CCNY: variants seen among roughly 807,000 people sequenced by gnomAD.
The protein encoded by CCNY is cyclin-Y.
CCNY carries 19 observed loss-of-function variants against 42.8 expected under a neutral mutation model. The ratio of observed to expected loss-of-function variants is 0.44; its 90% confidence interval spans 0.31 to 0.65. The LOEUF is 0.65. CCNY is among the 30% of genes least tolerant of loss of function. The probability of loss-of-function intolerance (pLI) is 0.07; values close to 1 mark genes in which losing one functional copy is unlikely to be tolerated. For missense variants in CCNY, 370 were observed against 437.3 expected (o/e 0.85, Z 1.37); for synonymous variants, 165 against 162.7 (o/e 1.01, Z -0.11).
intron 1 of CCNY, among the ~76,000 whole-genome samples, chr10:35,389,575 G>T (rs1837369657): frequency 6.6e-6 from 1 of 151,956 alleles, no homozygotes; most frequent in South Asian, 2.1e-4. Context: ...AAGTAGCTGG[G>T]ATTACAGGCG....
chr10:35,493,780 C>T (rs1178640663), intron 2 of CCNY, among the ~76,000 whole-genome samples: 1 of 152,166 alleles, frequency 6.6e-6, no homozygotes, highest in Non-Finnish European at 1.5e-5. Context: ...GTCAGGAGGA[C>T]TAAATGCATA....
upstream of CCNY, among the ~76,000 whole-genome samples, chr10:35,331,994 T>C (rs138349064): frequency 2.4e-3 from 369 of 152,268 alleles, 1 homozygote; most frequent in African/African-American, 6.7e-3. Flanking sequence ...CAGTATACTC[T>C]CAAAAATGTT....
At chr10:35,448,328 C>T (rs1459007357) in intron 1 of CCNY, among the ~76,000 whole-genome samples, 1 of 152,020 alleles carries the variant, frequency 6.6e-6, no homozygotes, top group Non-Finnish European at 1.5e-5. Context: ...TGGGTAGGGC[C>T]GGTGTAGCAG....
At chr10:35,433,518 A>G (rs1374173279) in intron 1 of CCNY, among the ~76,000 whole-genome samples, 1 of 152,244 alleles carries the variant, frequency 6.6e-6, no homozygotes, top group East Asian at 1.9e-4. Context: ...TCCAAAGTAG[A>G]AAAATTAGAT....
At chr10:35,533,153 T>C (rs1019043788) in intron 7 of CCNY, among the ~76,000 whole-genome samples, 3 of 152,146 alleles carry the variant, frequency 2.0e-5, no homozygotes, top group African/African-American at 7.2e-5. Flanking sequence ...ACCTCTCCGT[T>C]TAAGGCCGCA....
intron 3 of CCNY, among the ~76,000 whole-genome samples, chr10:35,279,729 C>A (rs1320362155): frequency 1.3e-5 from 2 of 152,180 alleles, no homozygotes; most frequent in South Asian, 4.1e-4. Context: ...GACCACAGCA[C>A]CCTTCAGGAC....
chr10:35,374,726 A>G (rs1194187355), intron 1 of CCNY, among the ~76,000 whole-genome samples: 1 of 152,248 alleles, frequency 6.6e-6, no homozygotes, highest in Admixed American at 6.5e-5. Flanking sequence ...TTGTATTTAT[A>G]GCATACTAGA....
upstream of CCNY, among the ~76,000 whole-genome samples, chr10:35,332,745 T>C (rs886377948): frequency 5.3e-5 from 8 of 152,068 alleles, no homozygotes; most frequent in African/African-American, 1.9e-4. Flanking sequence ...GCTGGAGCTA[T>C]AGGCGCCCAC....
intron 3 of CCNY, among the ~76,000 whole-genome samples, chr10:35,305,759 T>C (rs189049990): frequency 6.6e-6 from 1 of 152,294 alleles, no homozygotes; most frequent in Admixed American, 6.5e-5. Flanking sequence ...GCTTGCTGAG[T>C]GCCCTTTGTA....
intron 3 of CCNY, among the ~76,000 whole-genome samples, chr10:35,260,469 C>T (rs764022150): frequency 1.2e-4 from 19 of 152,192 alleles, no homozygotes; most frequent in Non-Finnish European, 2.6e-4. Flanking sequence ...ATCTGGGACC[C>T]CGATCAGGGA....
chr10:35,256,483 C>T (rs2095715567), intron 3 of CCNY, among the ~76,000 whole-genome samples: 1 of 152,030 alleles, frequency 6.6e-6, no homozygotes. Context: ...CCTGTAATTC[C>T]AGCACTCTGG....
chr10:35,269,550 C>T (rs1345802132), intron 3 of CCNY, among the ~76,000 whole-genome samples: 1 of 152,000 alleles, frequency 6.6e-6, no homozygotes, highest in Non-Finnish European at 1.5e-5. Context: ...AGTGATCCAC[C>T]CTCCTCAACC....
At chr10:35,470,530 G>A (rs1191953735) in intron 1 of CCNY, among the ~76,000 whole-genome samples, 1 of 152,236 alleles carries the variant, frequency 6.6e-6, no homozygotes, top group East Asian at 1.9e-4. Context: ...ACCTGCAGGG[G>A]CACCAGTGGC....
chr10:35,368,782 A>G (rs1836865649), intron 1 of CCNY, among the ~76,000 whole-genome samples: 1 of 137,542 alleles, frequency 7.3e-6, no homozygotes, highest in Middle Eastern at 3.5e-3. Context: ...TCTGATGTGG[A>G]GAGTCCTAAA....
intron 3 of CCNY, among the ~76,000 whole-genome samples, chr10:35,292,402 C>T (rs371138114): frequency 1.8e-4 from 27 of 152,230 alleles, no homozygotes; most frequent in Admixed American, 4.6e-4. Flanking sequence ...TCACTCTTGT[C>T]GCCCAGGCTG....
chr10:35,326,985 T>C lies in CCNY; in HGVS notation c.-9+76359T>C, dbSNP rs117059307. 2.5e-3 allele frequency among the ~76,000 whole-genome samples: 387 copies of C among 152,322 alleles called. 17 individuals are homozygous for C. In the East Asian group the frequency reaches 0.054, roughly 21 times the overall value. On this transcript the variant is annotated intron_variant, in intron 3 of 11. Coordinates refer to the CCNY transcript ENST00000374706. Reference sequence around the variant, plus strand: ...GTATGAAGTGTCTTCCTGCCTGGATTTTGTTCTAACGTGGGCATGGATTCT... The same window carrying C: ...GTATGAAGTGTCTTCCTGCCTGGATCTTGTTCTAACGTGGGCATGGATTCT...
chr10:35,465,905 A>AAGAG (rs56166429), intron 1 of CCNY, among the ~76,000 whole-genome samples: 148 of 99,226 alleles, frequency 1.5e-3, no homozygotes, highest in African/African-American at 3.4e-3. Flanking sequence ...GGGTAGGGGG[A>AAGAG]AGAGAGAGAG....
chr10:35,392,498 G>A (rs914643408), intron 1 of CCNY, among the ~76,000 whole-genome samples: 13 of 152,222 alleles, frequency 8.5e-5, no homozygotes, highest in African/African-American at 2.9e-4. Context: ...GTCCAGTCCT[G>A]CTGGGGTATC....
chr10:35,479,927 T>G (rs1839627544), intron 1 of CCNY, among the ~76,000 whole-genome samples: 1 of 152,108 alleles, frequency 6.6e-6, no homozygotes, highest in African/African-American at 2.4e-5. Flanking sequence ...ATGCTTGGCT[T>G]CAGTGTGAAG....
Sources: allele counts gnomAD v4.1 joint callset (sites outside exome capture counted in the v4.1 genomes callset), GRCh38; gene constraint gnomAD v4.1.1; transcripts MANE v1.5; gene names NCBI Gene and HGNC (gene_info 2026-07-23, HGNC 2026-07-21).